Variants in PDCD2 observed in about 807,000 individuals in gnomAD.
The protein encoded by PDCD2 is uS5 assembly chaperone PDCD2.
PDCD2 carries 38 observed loss-of-function variants against 38.1 expected under a neutral mutation model. The ratio of observed to expected loss-of-function variants is 1.00; its 90% confidence interval spans 0.77 to 1.31. The LOEUF is 1.31. Ranked by LOEUF, PDCD2 falls within the 50% of genes most tolerant of loss-of-function variation. The probability of loss-of-function intolerance (pLI) is 0.00; values close to 1 mark genes in which losing one functional copy is unlikely to be tolerated. For synonymous variants in PDCD2, 205 were observed against 168.9 expected (o/e 1.21, Z -1.66); for missense variants, 473 against 435.7 (o/e 1.09, Z -0.76).
At chr6:170,582,239 A>C in intron 3 of PDCD2, 7 of 1,439,758 alleles carry the variant, frequency 4.9e-6, no homozygotes, top group Non-Finnish European at 6.6e-6. Context: ...GCATCTGACC[A>C]CTGGAGTGTT....
Position 170,576,794 on chromosome 6 carries a change from T to G in PDCD2, c.*765A>C, listed in dbSNP as rs1045109753. The G allele has an allele frequency of 1.1e-4, 17 of 152,268 alleles. No homozygotes were observed. The highest frequency in any genetic ancestry group is 4.1e-4 in the African/African-American group (17 of 41,460). The allele number at this position is 152,268 out of a possible 1,614,324, so 9.4% of individuals were successfully genotyped here. Reference sequence around the variant, plus strand: ...AAAGGGAAGACCATCGCCTTTTGCCTTTCAGTGTCTCATCTGTAAGCAGGG... The same window carrying G: ...AAAGGGAAGACCATCGCCTTTTGCCGTTCAGTGTCTCATCTGTAAGCAGGG... On this transcript the variant is annotated 3_prime_UTR_variant, in exon 6 of 6. Coordinates refer to ENST00000541970, the MANE Select transcript of PDCD2 (RefSeq NM_002598.4).
At chr6:170,581,704 C>T (rs1403357211) in intron 3 of PDCD2, 1 of 161,886 alleles carries the variant, frequency 6.2e-6, no homozygotes, top group Non-Finnish European at 1.4e-5. Context: ...GTTTCCTTTC[C>T]CCCCAATACA....
chr6:170,578,562 G>A (rs528514820), intron 5 of PDCD2: 2 of 694,160 alleles, frequency 2.9e-6, no homozygotes, highest in East Asian at 5.4e-5. Context: ...AGTTAACAGA[G>A]GCACTAATAA....
chr6:170,583,591 G>C lies in PDCD2; in HGVS notation c.440C>G (p.Ser147Cys), dbSNP rs149555889. Residue 147 changes from serine to cysteine, a missense_variant, in exon 2 of 6, where the codon TCC (serine) becomes TGC (cysteine). Physicochemically the swap from Ser to Cys is moderately radical, Grantham distance 112 (BLOSUM62 -1). Coordinates refer to ENST00000541970, the MANE Select transcript of PDCD2 (RefSeq NM_002598.4). ...GCAGTAATATGCTTTGTGGCATCTG[G>C]AGCACGTTTTGGGGCCTAAACAGCC... is the stretch of plus-strand genomic sequence containing the variant. ...VCGCLGPKTCSRCHKAYYCSK... is the reference protein window; with the variant it reads ...VCGCLGPKTCCRCHKAYYCSK... 115 of 1,613,874 alleles carry C rather than the reference G, an allele frequency of 7.1e-5. No individual in the cohort carries two copies. In the African/African-American group the frequency reaches 1.3e-3, roughly 18 times the overall value.
chr6:170,575,889 G>A lies in PDCD2; in HGVS notation c.*1670C>T, dbSNP rs376837597. ...TAACAGTTTTTACCATAGAAAGATC[G>A]TTAACATGTTTGCTTTAAAAGTCAT... On this transcript the variant is annotated 3_prime_UTR_variant, in exon 6 of 6. Coordinates refer to ENST00000541970, the MANE Select transcript of PDCD2 (RefSeq NM_002598.4). The A allele has an allele frequency of 1.6e-4, 25 of 152,176 alleles. No individual in the cohort carries two copies. The highest frequency in any genetic ancestry group is 8.3e-4 in the South Asian group (4 of 4,834). The allele number at this position is 152,176 out of a possible 1,614,324, so 9.4% of individuals were successfully genotyped here. A position where few individuals can be genotyped will look rare whatever the true frequency, so the allele number is the denominator to read the frequency against.
At chr6:170,579,049 T>G (rs1478766135) in intron 4 of PDCD2, 79 bp from the exon 5 acceptor site, 4 of 830,306 alleles carry the variant, frequency 4.8e-6, no homozygotes, top group Non-Finnish European at 7.8e-6. Flanking sequence ...ATCTACTCCA[T>G]GAATGTTCCT....
In PDCD2 at chr6:170,576,625, T is replaced by C. The variant is rs1204759945; in HGVS notation, c.*934A>G. ...TTAAACAGATGTATCAGAAACATAA[T>C]AGGCCAAGGGTCAGCCCTTTGAAAA... On this transcript the variant is annotated 3_prime_UTR_variant, in exon 6 of 6. Transcript: ENST00000541970. 1 of 152,212 alleles carries C rather than the reference T, an allele frequency of 6.6e-6. No individual in the cohort carries two copies. The highest frequency in any genetic ancestry group is 1.5e-5 in the Non-Finnish European group (1 of 68,054). 9.4% of individuals were successfully genotyped at this position (152,212 alleles called of 1,614,324 possible). A position where few individuals can be genotyped will look rare whatever the true frequency, so the allele number is the denominator to read the frequency against.
At position 170,582,544 on chromosome 6, in the gene PDCD2, A is replaced by T. The variant is rs1223239793; in HGVS notation, c.658+513T>A. On this transcript the variant is annotated intron_variant, in intron 3 of 5. Transcript: ENST00000541970. ...CACGATTTTAATGAGCTCATGCACA[A>T]ACAGCCCTTTATATAAGGTAAGTGC... The T allele has an allele frequency of 3.0e-6, 4 of 1,346,628 alleles. No homozygotes were observed. In the South Asian group the frequency reaches 6.2e-5, roughly 21 times the overall value. 83.4% of individuals were successfully genotyped at this position (1,346,628 alleles called of 1,614,324 possible). A position where few individuals can be genotyped will look rare whatever the true frequency, so the allele number is the denominator to read the frequency against.
At chr6:170,581,077 C>G (rs561351788) in intron 3 of PDCD2, 1 of 152,144 alleles carries the variant, frequency 6.6e-6, no homozygotes, top group Non-Finnish European at 1.5e-5. Flanking sequence ...ACACAGCTAC[C>G]TCCAGGAAGC....
chr6:170,582,135 C>T (rs1265526854), intron 3 of PDCD2: 11 of 1,533,328 alleles, frequency 7.2e-6, no homozygotes, highest in East Asian at 4.9e-5. Flanking sequence ...AGTGATGTCA[C>T]GTGTTCCCAT....
intron 5 of PDCD2, among the ~76,000 whole-genome samples, chr6:170,578,028 A>G (rs1241921304): frequency 6.6e-6 from 1 of 152,182 alleles, no homozygotes; most frequent in Admixed American, 6.5e-5. Context: ...ACTTTGTATC[A>G]TTGCAGATGT....
In PDCD2 at chr6:170,584,484, C is replaced by T; in HGVS notation, c.98G>A (p.Gly33Glu). The T allele has an allele frequency of 7.6e-7, 1 of 1,320,156 alleles. No individual in the cohort carries two copies. The highest frequency in any genetic ancestry group is 9.6e-7 in the Non-Finnish European group (1 of 1,041,886). 81.8% of individuals were successfully genotyped at this position (1,320,156 alleles called of 1,614,324 possible). A position where few individuals can be genotyped will look rare whatever the true frequency, so the allele number is the denominator to read the frequency against. ...RSEQFPSKVG[G>E]RPAWLGAAGL... is the part of the protein sequence containing the mutation. ...GGCCGCGCCCAGCCATGCCGGCCGCCCGCCCACCTTGCTGGGGAACTGCTC... is the reference window on the plus strand; with the variant it reads ...GGCCGCGCCCAGCCATGCCGGCCGCTCGCCCACCTTGCTGGGGAACTGCTC... Residue 33 changes from glycine to glutamate, a missense_variant, in exon 1 of 6, where the codon GGG (glycine) becomes GAG (glutamate). Transcript: ENST00000541970.
rs1468766326 is a variant in PDCD2 at position 170,584,569 on chromosome 6, CG to C, written c.12del (p.Ala6ProfsTer136). The C allele has an allele frequency of 1.6e-6, 2 of 1,281,340 alleles. No homozygotes were observed. The highest frequency in any genetic ancestry group is 2.0e-6 in the Non-Finnish European group (2 of 1,017,402). The allele number at this position is 1,281,340 out of a possible 1,614,324, so 79.4% of individuals were successfully genotyped here. On this transcript the variant is annotated frameshift_variant, in exon 1 of 6. Transcript: ENST00000541970. LOFTEE classifies it high-confidence loss of function. MAA[A>X]GARPVELGFA... ...AAGCCCAGCTCCACAGGCCTGGCCCCGGCGGCAGCCATGCGGGGCGCGGGCT... is the reference window on the plus strand; with the variant it reads ...AAGCCCAGCTCCACAGGCCTGGCCCCGCGGCAGCCATGCGGGGCGCGGGCT...
chr6:170,582,498 T>C (rs996326403), intron 3 of PDCD2: 4 of 1,368,106 alleles, frequency 2.9e-6, no homozygotes, highest in Middle Eastern at 2.7e-4. Context: ...TGGGGCAGTT[T>C]CTCACTCATT....
At chr6:170,578,429 C>A in intron 5 of PDCD2, 1 of 562,728 alleles carries the variant, frequency 1.8e-6, no homozygotes, top group South Asian at 2.4e-5. Context: ...TGCTTATATC[C>A]ATTTTTTCTA....
intron 3 of PDCD2, chr6:170,582,234 T>C: frequency 6.9e-7 from 1 of 1,442,718 alleles, no homozygotes; most frequent in Non-Finnish European, 9.4e-7. Flanking sequence ...TGTGAGCATC[T>C]GACCACTGGA....
chr6:170,578,787 G>A, intron 5 of PDCD2, 70 bp downstream of exon 5: 2 of 960,028 alleles, frequency 2.1e-6, no homozygotes, highest in Non-Finnish European at 3.4e-6. Flanking sequence ...AAATTACCTT[G>A]GTGAAGTTTT....
Position 170,577,028 on chromosome 6 carries a change from C to G in PDCD2, c.*531G>C, listed in dbSNP as rs958728685. On this transcript the variant is annotated 3_prime_UTR_variant, in exon 6 of 6. Coordinates refer to ENST00000541970, the MANE Select transcript of PDCD2 (RefSeq NM_002598.4). ...AGTACATACTAGAGCCTGTGATAAT[C>G]AGCTAATGATCAGACAAGTTTGTTG... 2.0e-5 allele frequency: 3 copies of G among 152,668 alleles called. No homozygotes were observed. Among genetic ancestry groups the G allele is most frequent in the African/African-American group, 7.2e-5 (3 of 41,462 alleles). 9.5% of individuals were successfully genotyped at this position (152,668 alleles called of 1,614,324 possible). A position where few individuals can be genotyped will look rare whatever the true frequency, so the allele number is the denominator to read the frequency against.
rs750701895 is a variant in PDCD2 at position 170,578,854 on chromosome 6, T to A, written c.876+3A>T. On this transcript the variant is annotated splice_donor_region_variant and intron_variant, in intron 5 of 5. Transcript: ENST00000541970. ...ACTAAATGGTCCTTATTTAAGGTCA[T>A]ACCTGGAATTCCAATATTCTCTTGG... The A allele has an allele frequency of 6.5e-7, 1 of 1,533,512 alleles. No individual in the cohort carries two copies. The highest frequency in any genetic ancestry group is 1.4e-5 in the African/African-American group (1 of 73,224). The allele number at this position is 1,533,512 out of a possible 1,614,324, so 95.0% of individuals were successfully genotyped here. A position where few individuals can be genotyped will look rare whatever the true frequency, so the allele number is the denominator to read the frequency against.
Sources: allele counts gnomAD v4.1 joint callset (sites outside exome capture counted in the v4.1 genomes callset), GRCh38; gene constraint gnomAD v4.1.1; transcripts MANE v1.5; gene names NCBI Gene and HGNC (gene_info 2026-07-23, HGNC 2026-07-21).